The following CPNE4 variants were observed in gnomAD, a reference collection of about 807,000 sequenced individuals.
CPNE4 encodes copine 4.
In CPNE4, 25 loss-of-function variants were observed where a neutral mutation model predicts 67.9. That is an observed-to-expected ratio of 0.37 (90% CI 0.27 to 0.51). The LOEUF is 0.51. Ranked by LOEUF, CPNE4 falls within the 20% of genes least tolerant of loss-of-function variation. CPNE4 has a pLI of 0.93. For synonymous variants in CPNE4, 242 were observed against 244.9 expected (o/e 0.99, Z 0.11); for missense variants, 464 against 690.8 (o/e 0.67, Z 3.68).
At chr3:131,983,631 A>G (rs745369408) in intron 1 of CPNE4, among the ~76,000 whole-genome samples, 2 of 152,140 alleles carry the variant, frequency 1.3e-5, no homozygotes, top group Non-Finnish European at 2.9e-5. Context: ...GACATATTTC[A>G]CTCCTAAAAT....
At chr3:131,582,393 A>G (rs1937896454) in intron 8 of CPNE4, among the ~76,000 whole-genome samples, 1 of 152,178 alleles carries the variant, frequency 6.6e-6, no homozygotes, top group South Asian at 2.1e-4. Flanking sequence ...GGACAAAACC[A>G]ATTGTGAATC....
chr3:131,884,925 G>A (rs1416088689), intron 2 of CPNE4, among the ~76,000 whole-genome samples: 1 of 152,052 alleles, frequency 6.6e-6, no homozygotes, highest in Non-Finnish European at 1.5e-5. Context: ...CCCAGTCTCT[G>A]GTATGTCTTT....
At chr3:131,655,902 T>C (rs182060382) in intron 7 of CPNE4, among the ~76,000 whole-genome samples, 8 of 152,294 alleles carry the variant, frequency 5.3e-5, no homozygotes, top group Non-Finnish European at 8.8e-5. Context: ...AGCAAAGTAC[T>C]AAACCATAAA....
rs554093161 is a variant in CPNE4 at position 131,952,215 on chromosome 3, G to A, written c.-1-46771C>T. Among the ~76,000 whole-genome samples the A allele has an allele frequency of 2.3e-3, 333 of 146,306 alleles. 3 individuals are homozygous for A. Among genetic ancestry groups the A allele is most frequent in the Middle Eastern group, 0.02 (5 of 252 alleles). On this transcript the variant is annotated intron_variant, in intron 1 of 15. Transcript: ENST00000429747. ...ATGTGGGGAGCGCCTCTGCCCCGCC[G>A]CCCCGTCTGGGATGTGAGGAGCGCC...
intron 2 of CPNE4, among the ~76,000 whole-genome samples, chr3:131,823,969 T>C (rs1013756995): frequency 6.6e-6 from 1 of 152,146 alleles, no homozygotes; most frequent in African/African-American, 2.4e-5. Context: ...TCTTGTTAAA[T>C]GAATGAATGA....
intron 2 of CPNE4, among the ~76,000 whole-genome samples, chr3:131,847,469 T>C (rs1583316737): frequency 6.6e-6 from 1 of 152,212 alleles, no homozygotes; most frequent in African/African-American, 2.4e-5. Context: ...TGGCCCTGTC[T>C]GCTCAGAGAG....
chr3:131,964,919 T>C (rs547738455), intron 1 of CPNE4, among the ~76,000 whole-genome samples: 34 of 152,100 alleles, frequency 2.2e-4, no homozygotes, highest in African/African-American at 8.2e-4. Flanking sequence ...AGGCACATAA[T>C]CATCAGATTC....
rs527404041 is a variant in CPNE4 at position 131,872,755 on chromosome 3, T to C, written c.180+32509A>G. On this transcript the variant is annotated intron_variant, in intron 2 of 15. Coordinates refer to ENST00000429747, the MANE Select transcript of CPNE4 (RefSeq NM_130808.3). ...AATTGACTTGGGAACCCAAACACCA[T>C]GTTGTGAGGAAGTTCAGGCCATATG... Among the ~76,000 whole-genome samples the C allele has an allele frequency of 5.3e-5, 8 of 152,276 alleles. No individual in the cohort carries two copies. The South Asian group carries it at 1.7e-3, about 32-fold the overall frequency.
chr3:131,625,004 A>G (rs551354807), intron 7 of CPNE4, among the ~76,000 whole-genome samples: 2 of 152,226 alleles, frequency 1.3e-5, no homozygotes, highest in African/African-American at 4.8e-5. Context: ...CAGTTCATAA[A>G]CAGGCCATGG....
intron 1 of CPNE4, among the ~76,000 whole-genome samples, chr3:131,976,734 G>C (rs1490266382): frequency 6.6e-6 from 1 of 151,888 alleles, no homozygotes; most frequent in African/African-American, 2.4e-5. Context: ...GGGATAAACA[G>C]TTAACACTAA....
intron 2 of CPNE4, among the ~76,000 whole-genome samples, chr3:131,756,242 C>T (rs2082748098): frequency 6.6e-6 from 1 of 152,220 alleles, no homozygotes; most frequent in Non-Finnish European, 1.5e-5. Flanking sequence ...CAGCTAGATA[C>T]TTCACCTGTT....
At chr3:131,587,647 T>C in intron 7 of CPNE4, 65 bp from the exon 8 acceptor site, 1 of 1,180,398 alleles carries the variant, frequency 8.5e-7, no homozygotes, top group Non-Finnish European at 1.3e-6. Flanking sequence ...CTGAAGGCAA[T>C]GTTAACTTTA....
At chr3:131,588,516 T>A (rs779750455) in intron 7 of CPNE4, among the ~76,000 whole-genome samples, 8 of 152,064 alleles carry the variant, frequency 5.3e-5, no homozygotes, top group Admixed American at 2.0e-4. Context: ...ATATTGGGGA[T>A]CTAAGAGGCA....
chr3:131,752,312 G>T (rs528655500), intron 2 of CPNE4, among the ~76,000 whole-genome samples: 2 of 152,214 alleles, frequency 1.3e-5, no homozygotes, highest in East Asian at 3.9e-4. Context: ...TTTTTCTCTG[G>T]TGTTTGGCTA....
chr3:131,536,888 A>C (rs1292901918), intron 15 of CPNE4, among the ~76,000 whole-genome samples: 1 of 152,224 alleles, frequency 6.6e-6, no homozygotes, highest in Non-Finnish European at 1.5e-5. Flanking sequence ...TTAGAAAGTC[A>C]AATCCTTGAT....
At chr3:131,577,424 G>T (rs148863846) in intron 9 of CPNE4, among the ~76,000 whole-genome samples, 2 of 151,994 alleles carry the variant, frequency 1.3e-5, no homozygotes, top group East Asian at 3.9e-4. Context: ...AAACCTAGGT[G>T]GTATATCCCA....
chr3:131,586,878 T>A (rs1035988613), intron 8 of CPNE4, among the ~76,000 whole-genome samples: 4 of 152,138 alleles, frequency 2.6e-5, no homozygotes, highest in African/African-American at 9.7e-5. Flanking sequence ...AGTGCTTGTG[T>A]ACAGGTCTTG....
At chr3:131,629,384 T>C (rs1191483316) in intron 7 of CPNE4, among the ~76,000 whole-genome samples, 1 of 134,830 alleles carries the variant, frequency 7.4e-6, no homozygotes, top group African/African-American at 3.8e-5. Flanking sequence ...AATTAAGGTA[T>C]GTTCATCTTT....
chr3:131,577,519 A>C (rs2107685438), intron 9 of CPNE4, among the ~76,000 whole-genome samples: 1 of 152,222 alleles, frequency 6.6e-6, no homozygotes, highest in East Asian at 1.9e-4. Flanking sequence ...TATTGTAAGC[A>C]ACTGTAACAC....
Sources: gnomAD v4.1 joint callset for allele counts (sites outside exome capture counted in the v4.1 genomes callset) on GRCh38, gnomAD v4.1.1 for gene constraint, MANE v1.5 for transcripts, NCBI Gene and HGNC (gene_info 2026-07-23, HGNC 2026-07-21) for gene names.